The following MYO1H variants were observed in gnomAD, a reference collection of about 807,000 sequenced individuals.
MYO1H encodes myosin IH, also known as unconventional myosin-Ih.
In MYO1H, 118 loss-of-function variants were observed where a neutral mutation model predicts 149.3. The ratio of observed to expected loss-of-function variants is 0.79; its 90% confidence interval spans 0.68 to 0.92. The LOEUF (loss-of-function observed/expected upper bound fraction) is 0.92. Ranked by LOEUF, MYO1H falls within the 40% of genes least tolerant of loss-of-function variation. MYO1H has a pLI of 0.00. For missense variants in MYO1H, 1,212 were observed against 1,280.7 expected, an observed-to-expected ratio of 0.95 and a Z score of 0.82; for synonymous variants, 447 against 465.2, an observed-to-expected ratio of 0.96 and a Z score of 0.50.
intron 15 of MYO1H, among the ~76,000 whole-genome samples, chr12:109,419,692 C>G (rs1871087623): frequency 1.3e-5 from 2 of 152,018 alleles, no homozygotes; most frequent in South Asian, 4.2e-4. Flanking sequence ...GGACTACAGG[C>G]ATGCACCACC....
At chr12:109,319,800 C>T in the MYO1H span, among the ~76,000 whole-genome samples, 1 of 152,206 alleles carries the variant, frequency 6.6e-6, no homozygotes, top group East Asian at 1.9e-4. Flanking sequence ...ATGTTGCCCA[C>T]ATCATAACGA....
At chr12:109,382,247 C>A (rs548874917) in intron 1 of MYO1H, among the ~76,000 whole-genome samples, 1 of 152,148 alleles carries the variant, frequency 6.6e-6, no homozygotes, top group African/African-American at 2.4e-5. Flanking sequence ...TCTGATTGGA[C>A]CTCTAATTCA....
intron 7 of MYO1H, among the ~76,000 whole-genome samples, 184 bp downstream of exon 7, chr12:109,404,264 G>A (rs1349850201): frequency 6.6e-6 from 1 of 152,098 alleles, no homozygotes; most frequent in Non-Finnish European, 1.5e-5. Context: ...GATCACTTGA[G>A]GTCAGGAGTT....
intron 1 of MYO1H, among the ~76,000 whole-genome samples, chr12:109,349,854 G>C (rs564501380): frequency 6.6e-6 from 1 of 151,000 alleles, no homozygotes; most frequent in African/African-American, 2.4e-5. Flanking sequence ...CCAGCTACTC[G>C]GGAGGCTGAG....
At chr12:109,366,593 C>T (rs369760575) in intron 1 of MYO1H, among the ~76,000 whole-genome samples, 66 of 152,288 alleles carry the variant, frequency 4.3e-4, no homozygotes, top group South Asian at 2.1e-3. Flanking sequence ...TGCCAAAGAA[C>T]GGGAAGCTCC....
intron 1 of MYO1H, among the ~76,000 whole-genome samples, chr12:109,362,436 AG>A (rs1365922186): frequency 2.0e-5 from 3 of 152,306 alleles, no homozygotes; most frequent in Non-Finnish European, 2.9e-5. Flanking sequence ...TTAACTTTGC[AG>A]GTTCATGACT....
the MYO1H span, among the ~76,000 whole-genome samples, chr12:109,319,883 C>T: frequency 6.6e-6 from 1 of 152,176 alleles, no homozygotes; most frequent in Non-Finnish European, 1.5e-5. Context: ...CTTAGAACCA[C>T]TGGCCTTAGA....
chr12:109,404,031 C>G (rs1374406059), exon 7 of MYO1H: 31 of 1,613,696 alleles, frequency 1.9e-5, no homozygotes, highest in Non-Finnish European at 2.6e-5. Context: ...GACTGGAAAA[C>G]TGTTTCCAAC....
chr12:109,355,874 A>ATTT (rs36092499), intron 1 of MYO1H, among the ~76,000 whole-genome samples: 436 of 147,558 alleles, frequency 3.0e-3, no homozygotes, highest in African/African-American at 8.6e-3. Flanking sequence ...CGCCCAGCAA[A>ATTT]TTTTTTTTTT....
intron 23 of MYO1H, 61 bp downstream of exon 23, chr12:109,438,681 G>A: frequency 4.0e-6 from 5 of 1,251,338 alleles, no homozygotes; most frequent in African/African-American, 1.5e-5. Flanking sequence ...TGCAGGGATG[G>A]TCATGGAGGT....
At chr12:109,338,850 A>G in the MYO1H span, among the ~76,000 whole-genome samples, 1 of 151,710 alleles carries the variant, frequency 6.6e-6, no homozygotes, top group South Asian at 2.1e-4. Flanking sequence ...AGTTTCCAGA[A>G]TTCTTAGGCC....
chr12:109,327,122 C>CTTTTTTTATTTTTTTTTTTTTTTTTTT, the MYO1H span, among the ~76,000 whole-genome samples: 1 of 111,402 alleles, frequency 9.0e-6, no homozygotes, highest in Non-Finnish European at 1.8e-5. Context: ...TTTTCTTTTT[C>CTTTTTTTATTTTTTTTTTTTTTTTTTT]TTTTTCTTTT....
intron 22 of MYO1H, 47 bp from the exon 23 acceptor site, chr12:109,438,489 C>A: frequency 6.8e-7 from 1 of 1,461,852 alleles, no homozygotes; most frequent in Non-Finnish European, 9.5e-7. Context: ...TTCTGTATTT[C>A]CATACGATTG....
intron 1 of MYO1H, among the ~76,000 whole-genome samples, chr12:109,368,187 C>T (rs922527874): frequency 1.3e-5 from 2 of 152,178 alleles, no homozygotes; most frequent in Non-Finnish European, 2.9e-5. Flanking sequence ...AAACTAAAAA[C>T]AAAGTTAGTT....
At chr12:109,337,265 T>G in the MYO1H span, among the ~76,000 whole-genome samples, 2 of 152,210 alleles carry the variant, frequency 1.3e-5, no homozygotes, top group Non-Finnish European at 2.9e-5. Context: ...ATTAGCTTCA[T>G]ATATTCTTAT....
chr12:109,339,130 C>G, the MYO1H span, among the ~76,000 whole-genome samples: 1 of 152,076 alleles, frequency 6.6e-6, no homozygotes, highest in African/African-American at 2.4e-5. Flanking sequence ...TTTGGGAGGC[C>G]AAAGTGGGTG....
chr12:109,327,515 C>T, the MYO1H span, among the ~76,000 whole-genome samples: 3 of 151,344 alleles, frequency 2.0e-5, no homozygotes, highest in Non-Finnish European at 4.4e-5. Context: ...TTTGGGAGGC[C>T]GAGGGTGGAT....
intron 1 of MYO1H, 106 bp downstream of exon 1, chr12:109,348,078 G>C (rs973632134): frequency 2.5e-6 from 1 of 398,760 alleles, no homozygotes; most frequent in Non-Finnish European, 4.4e-6. Flanking sequence ...CCTGGAGAGA[G>C]AACTGGGCGT....
chr12:109,379,640 T>C (rs781071061), intron 1 of MYO1H, among the ~76,000 whole-genome samples: 25 of 152,058 alleles, frequency 1.6e-4, no homozygotes, highest in Non-Finnish European at 3.5e-4. Context: ...GCATATATAG[T>C]TTGCAAACAT....
Sources: gnomAD v4.1 joint callset for allele counts (sites outside exome capture counted in the v4.1 genomes callset) on GRCh38, gnomAD v4.1.1 for gene constraint, MANE v1.5 for transcripts, NCBI Gene and HGNC (gene_info 2026-07-23, HGNC 2026-07-21) for gene names.